The following GFRA1 variants were observed in gnomAD, a reference collection of about 807,000 sequenced individuals.
The protein encoded by GFRA1 is GDNF family receptor alpha-1.
A neutral mutation model predicts 51.6 loss-of-function variants in GFRA1; 16 were observed. The observed-to-expected ratio is 0.31, with a 90% CI of 0.21 to 0.47. The LOEUF is 0.47. Ranked by LOEUF, GFRA1 falls within the 20% of genes least tolerant of loss-of-function variation. GFRA1 has a pLI of 1.00. For synonymous variants in GFRA1, 270 were observed against 241.3 expected (o/e 1.12, Z -1.10); for missense variants, 530 against 594.3 (o/e 0.89, Z 1.13).
At chr10:116,146,254 G>A (rs1014450488) in intron 5 of GFRA1, among the ~76,000 whole-genome samples, 21 of 152,212 alleles carry the variant, frequency 1.4e-4, no homozygotes, top group African/African-American at 4.8e-4. Flanking sequence ...CAATTTAGGG[G>A]ACTCTCTTTA....
At chr10:116,130,219 A>T (rs984309895) in intron 5 of GFRA1, among the ~76,000 whole-genome samples, 2 of 151,986 alleles carry the variant, frequency 1.3e-5, no homozygotes, top group African/African-American at 4.8e-5. Flanking sequence ...CAAAATACTC[A>T]ATACTTTATG....
chr10:116,264,130 G>A (rs959233238), intron 4 of GFRA1, among the ~76,000 whole-genome samples: 9 of 152,102 alleles, frequency 5.9e-5, no homozygotes, highest in African/African-American at 1.9e-4. Flanking sequence ...TAGGAAGGAA[G>A]GCTCTGAGTC....
intron 5 of GFRA1, among the ~76,000 whole-genome samples, chr10:116,189,386 T>C (rs1963045428): frequency 6.6e-6 from 1 of 152,180 alleles, no homozygotes; most frequent in African/African-American, 2.4e-5. Flanking sequence ...AGCCCCAGCA[T>C]GCTCTTTGGT....
rs1160442445 is a variant in GFRA1 at position 116,057,019 on chromosome 10, G to A, written c.*7379C>T. 6.6e-6 allele frequency: 1 copy of A among 152,034 alleles called. No individual in the cohort carries two copies. Among genetic ancestry groups the A allele is most frequent in the African/African-American group, 2.4e-5 (1 of 41,324 alleles). The allele number at this position is 152,034 out of a possible 1,614,324, so 9.4% of individuals were successfully genotyped here. A position where few individuals can be genotyped will look rare whatever the true frequency, so the allele number is the denominator to read the frequency against. ...TACATTCTGTAGTGCTTGAGCAATAGGCTAACAGAAAATTCGAACATCACA... is the reference window on the plus strand; with the variant it reads ...TACATTCTGTAGTGCTTGAGCAATAAGCTAACAGAAAATTCGAACATCACA... On this transcript the variant is annotated 3_prime_UTR_variant, in exon 11 of 11. Transcript: ENST00000355422.
chr10:116,158,129 C>T (rs1052468291), intron 5 of GFRA1, among the ~76,000 whole-genome samples: 7 of 152,266 alleles, frequency 4.6e-5, no homozygotes, highest in African/African-American at 1.7e-4. Flanking sequence ...GAACTCCCAT[C>T]AGATCACTTC....
At chr10:116,192,442 T>C (rs1472156867) in intron 5 of GFRA1, among the ~76,000 whole-genome samples, 1 of 152,152 alleles carries the variant, frequency 6.6e-6, no homozygotes, top group Admixed American at 6.5e-5. Flanking sequence ...TGAATGGTTC[T>C]CCCCAAGAGG....
chr10:116,135,433 C>G (rs1257495928), intron 5 of GFRA1, among the ~76,000 whole-genome samples: 2 of 152,118 alleles, frequency 1.3e-5, no homozygotes, highest in Non-Finnish European at 2.9e-5. Flanking sequence ...GTTCCATTGC[C>G]AATTACTGAA....
At chr10:116,104,445 G>T (rs952304757) in intron 6 of GFRA1, among the ~76,000 whole-genome samples, 8 of 152,202 alleles carry the variant, frequency 5.3e-5, no homozygotes, top group African/African-American at 1.9e-4. Flanking sequence ...CATGGAGGCT[G>T]CTGTCACTGC....
At chr10:116,243,997 C>T (rs1967635892) in intron 4 of GFRA1, among the ~76,000 whole-genome samples, 1 of 152,100 alleles carries the variant, frequency 6.6e-6, no homozygotes, top group South Asian at 2.1e-4. Context: ...CCATGAAAGG[C>T]CCAGCAAAGA....
chr10:116,056,933 A>T lies in GFRA1; in HGVS notation c.*7465T>A, dbSNP rs1180355226. The T allele has an allele frequency of 2.6e-5, 4 of 152,174 alleles. No homozygotes were observed. The highest frequency in any genetic ancestry group is 1.9e-4 in the East Asian group (1 of 5,206). 9.4% of individuals were successfully genotyped at this position (152,174 alleles called of 1,614,324 possible). ...AAAAGACACCACAATGATTTTTTTT[A>T]AAAAAGAAAACAATGTTTATTAGGA... On this transcript the variant is annotated 3_prime_UTR_variant, in exon 11 of 11. Coordinates refer to ENST00000355422, the MANE Select transcript of GFRA1 (RefSeq NM_005264.8).
chr10:116,221,917 G>T (rs1251749383), intron 4 of GFRA1, among the ~76,000 whole-genome samples: 4 of 152,140 alleles, frequency 2.6e-5, no homozygotes, highest in Non-Finnish European at 5.9e-5. Context: ...TATGGCAATT[G>T]TTAAGGTAAG....
chr10:116,064,576 C>T (rs555135650), intron 10 of GFRA1, 32 bp from the exon 11 acceptor site: 4 of 1,588,454 alleles, frequency 2.5e-6, no homozygotes, highest in East Asian at 4.5e-5. Flanking sequence ...TTATCATCCA[C>T]TGCATGTCTT....
intron 4 of GFRA1, among the ~76,000 whole-genome samples, chr10:116,238,192 C>A (rs902531351): frequency 1.3e-5 from 2 of 152,148 alleles, no homozygotes; most frequent in Non-Finnish European, 1.5e-5. Flanking sequence ...CTCTTTTGTG[C>A]GCAGCTGCCG....
At chr10:116,181,366 G>A (rs1962199552) in intron 5 of GFRA1, among the ~76,000 whole-genome samples, 1 of 152,144 alleles carries the variant, frequency 6.6e-6, no homozygotes, top group Admixed American at 6.5e-5. Flanking sequence ...GACCACGAAG[G>A]CCAGACTCTT....
chr10:116,197,054 T>G (rs1963940940), intron 5 of GFRA1, among the ~76,000 whole-genome samples: 1 of 151,754 alleles, frequency 6.6e-6, no homozygotes, highest in Non-Finnish European at 1.5e-5. Context: ...AACCAGTCCT[T>G]GGATTTGTGG....
intron 5 of GFRA1, among the ~76,000 whole-genome samples, chr10:116,209,598 A>T (rs1471776086): frequency 1.3e-5 from 2 of 151,998 alleles, no homozygotes. Flanking sequence ...CTTGAAGCTA[A>T]GTCGTTTTCT....
intron 5 of GFRA1, among the ~76,000 whole-genome samples, chr10:116,192,988 A>G (rs1589859376): frequency 6.6e-6 from 1 of 151,262 alleles, no homozygotes; most frequent in Admixed American, 6.6e-5. Flanking sequence ...TACAACTCCT[A>G]CCCCCTCCAT....
intron 5 of GFRA1, among the ~76,000 whole-genome samples, chr10:116,173,902 G>A (rs1961307487): frequency 6.6e-6 from 1 of 152,082 alleles, no homozygotes; most frequent in Admixed American, 6.5e-5. Context: ...CCAACATAGA[G>A]AAACCCTGTC....
At chr10:116,119,494 G>A (rs1347062116) in intron 6 of GFRA1, among the ~76,000 whole-genome samples, 1 of 152,152 alleles carries the variant, frequency 6.6e-6, no homozygotes, top group African/African-American at 2.4e-5. Context: ...TCAAAAGTTT[G>A]CATTGTCTAA....
Sources: allele counts gnomAD v4.1 joint callset (sites outside exome capture counted in the v4.1 genomes callset), GRCh38; gene constraint gnomAD v4.1.1; transcripts MANE v1.5; gene names NCBI Gene and HGNC (gene_info 2026-07-23, HGNC 2026-07-21).